Variants in PIWIL2 observed in about 807,000 individuals in gnomAD.
PIWIL2 encodes the protein piwi-like protein 2.
Under a neutral mutation model 116.5 loss-of-function variants are expected in PIWIL2, and 81 were observed. The observed-to-expected ratio is 0.70, with a 90% CI of 0.58 to 0.84. PIWIL2 has a LOEUF of 0.84. Ranked by LOEUF, PIWIL2 falls within the 40% of genes least tolerant of loss-of-function variation. The probability of loss-of-function intolerance (pLI) is 0.00; values close to 1 mark genes in which losing one functional copy is unlikely to be tolerated. For synonymous variants in PIWIL2, 489 were observed against 429.5 expected (o/e 1.14, Z -1.71); for missense variants, 1,272 against 1,212.3 (o/e 1.05, Z -0.73).
intron 20 of PIWIL2, among the ~76,000 whole-genome samples, chr8:22,337,967 G>T (rs190583295): frequency 2.0e-5 from 3 of 152,142 alleles, no homozygotes; most frequent in East Asian, 3.9e-4. Flanking sequence ...GGTGGTGCAT[G>T]CCTGTAATCC....
At chr8:22,297,869 A>G (rs569624999) in intron 10 of PIWIL2, among the ~76,000 whole-genome samples, 17 of 152,314 alleles carry the variant, frequency 1.1e-4, no homozygotes, top group African/African-American at 3.8e-4. Flanking sequence ...GCTTCTAAAG[A>G]GCACTGTTTT....
At chr8:22,316,214 G>A in intron 18 of PIWIL2, 31 bp from the exon 19 acceptor site, 1 of 1,407,452 alleles carries the variant, frequency 7.1e-7, no homozygotes, top group African/African-American at 1.4e-5. Context: ...CAGGTCTGGG[G>A]TTTGGTTTTT....
chr8:22,316,119 C>A (rs1318911379), intron 18 of PIWIL2, 126 bp from the exon 19 acceptor site: 3 of 581,320 alleles, frequency 5.2e-6, no homozygotes, highest in Admixed American at 6.0e-5. Flanking sequence ...TTTTTTCTTT[C>A]CCAGAACTTA....
chr8:22,329,003 T>C (rs990251762), intron 20 of PIWIL2, among the ~76,000 whole-genome samples: 2 of 152,078 alleles, frequency 1.3e-5, no homozygotes, highest in African/African-American at 4.8e-5. Context: ...ATTATGGTAT[T>C]GAATAGCAGT....
chr8:22,313,878 A>C (rs1831391434), intron 16 of PIWIL2, among the ~76,000 whole-genome samples: 1 of 152,154 alleles, frequency 6.6e-6, no homozygotes, highest in Non-Finnish European at 1.5e-5. Context: ...TTTAGTTCTG[A>C]ATGCTTTCTT....
chr8:22,290,349 G>T lies in PIWIL2; in HGVS notation c.1181+3G>T. ...AATGACTGTGTGCTGGATGTCATGT[G>T]AGTGAATGGTGGGGTCTATCTTTAA... is the stretch of plus-strand genomic sequence containing the variant. On this transcript the variant is annotated splice_donor_region_variant and intron_variant, in intron 10 of 22. Coordinates refer to ENST00000356766, the MANE Select transcript of PIWIL2 (RefSeq NM_018068.5). 1 of 1,544,846 alleles carries T rather than the reference G, an allele frequency of 6.5e-7. No homozygotes were observed. Among genetic ancestry groups the T allele is most frequent in the South Asian group, 1.1e-5 (1 of 89,104 alleles).
At chr8:22,301,560 C>G (rs540960449) in intron 10 of PIWIL2, among the ~76,000 whole-genome samples, 205 of 152,292 alleles carry the variant, frequency 1.3e-3, no homozygotes, top group Middle Eastern at 3.4e-3. Context: ...TCCCAAAGTG[C>G]TGGGATTACA....
chr8:22,340,152 A>C (rs1303257623), intron 20 of PIWIL2, among the ~76,000 whole-genome samples: 2 of 146,530 alleles, frequency 1.4e-5, no homozygotes, highest in African/African-American at 2.5e-5. Flanking sequence ...TCCCGGGATC[A>C]AGTGATTCTC....
intron 13 of PIWIL2, 137 bp from the exon 14 acceptor site, chr8:22,307,796 A>G (rs1306266720): frequency 1.8e-5 from 11 of 626,028 alleles, no homozygotes; most frequent in Non-Finnish European, 3.1e-5. Context: ...AGATATATTT[A>G]ATAAGTCCTT....
intron 20 of PIWIL2, among the ~76,000 whole-genome samples, chr8:22,325,395 C>T (rs976530167): frequency 1.1e-4 from 16 of 151,744 alleles, no homozygotes; most frequent in Non-Finnish European, 2.1e-4. Flanking sequence ...TCTATCAAAC[C>T]ATTACTGTGA....
At position 22,354,271 on chromosome 8, in the gene PIWIL2, G is replaced by A. The variant is rs1195686463; in HGVS notation, c.2658G>A (p.Trp886Ter). 3 of 1,602,124 alleles carry A rather than the reference G, an allele frequency of 1.9e-6. No homozygotes were observed. The highest frequency in any genetic ancestry group is 2.7e-5 in the African/African-American group (2 of 74,792). ...ACTGATTTATGGTTTTCCTTCCTAG[G>A]GTGGATTTCTATCTTCTTGCCCATC... ...VVDHTITSCE[W>*]VDFYLLAHHV... The change falls in exon 22 of 23, where the codon TGG becomes TGA. Residue 886 changes from tryptophan (W) to a stop codon, truncating the protein, a stop_gained and splice_region_variant. Transcript: ENST00000356766. LOFTEE classifies it high-confidence loss of function.
At chr8:22,355,269 C>G (rs1479313399) in intron 22 of PIWIL2, 80 bp from the exon 23 acceptor site, 2 of 1,384,790 alleles carry the variant, frequency 1.4e-6, no homozygotes, top group Non-Finnish European at 1.0e-6. Flanking sequence ...TGTCATATCC[C>G]CGTGACTATT....
chr8:22,296,547 A>T (rs1241984509), intron 10 of PIWIL2, among the ~76,000 whole-genome samples: 2 of 152,234 alleles, frequency 1.3e-5, no homozygotes, highest in East Asian at 3.8e-4. Context: ...GATTGGGTGT[A>T]TAACTCTAGG....
chr8:22,306,511 G>A (rs931631733), intron 13 of PIWIL2, among the ~76,000 whole-genome samples: 1 of 152,152 alleles, frequency 6.6e-6, no homozygotes, highest in Admixed American at 6.5e-5. Context: ...CTCAGCTCCT[G>A]TGGGCAGGGC....
At chr8:22,281,546 C>A in intron 4 of PIWIL2, 31 bp downstream of exon 4, 1 of 1,518,048 alleles carries the variant, frequency 6.6e-7, no homozygotes, top group Admixed American at 2.4e-5. Flanking sequence ...AGGTAACTAT[C>A]AAATTCAGAT....
chr8:22,283,163 A>G lies in PIWIL2; in HGVS notation c.555A>G (p.Ser185=), dbSNP rs1830551293. 6.2e-7 allele frequency: 1 copy of G among 1,613,988 alleles called. No individual in the cohort carries two copies. Among genetic ancestry groups the G allele is most frequent in the Admixed American group, 1.7e-5 (1 of 59,984 alleles). Residue 185 remains serine, a synonymous_variant, in exon 5 of 23, where the codon TCA becomes TCG. Transcript: ENST00000356766. ...CGTCCCGGGGTCCCCCGCAGCTGTC[A>G]TCACCACCAGCTCTGCCCCAGTCTC... The part of the protein sequence containing the change: ...STPSRGPPQL[S]SPPALPQSPL...
rs147066022 is a variant in PIWIL2, at chr8:22,338,970, A to G, written c.2404-13989A>G. Among the ~76,000 whole-genome samples, 42 of 152,348 alleles carry G rather than the reference A, an allele frequency of 2.8e-4. 1 individual carries two copies. Among genetic ancestry groups the G allele is most frequent in the African/African-American group, 7.9e-4 (33 of 41,590 alleles). The stretch of plus-strand genomic sequence containing the variant: ...AGATAAACAAGACAGTGTGGTCAGT[A>G]GCATTGAGATAGACTCAAATCAGTG... On this transcript the variant is annotated intron_variant, in intron 20 of 22. Transcript: ENST00000356766.
chr8:22,346,955 C>T (rs746515994), intron 20 of PIWIL2, among the ~76,000 whole-genome samples: 5 of 151,870 alleles, frequency 3.3e-5, no homozygotes, highest in Non-Finnish European at 7.4e-5. Flanking sequence ...AGGAGGAGCA[C>T]TTGAGCCCAG....
At chr8:22,348,099 G>A (rs1832270819) in intron 20 of PIWIL2, among the ~76,000 whole-genome samples, 1 of 151,886 alleles carries the variant, frequency 6.6e-6, no homozygotes, top group Non-Finnish European at 1.5e-5. Context: ...TCAGGAGTTC[G>A]AGACAAGCCT....
Sources: allele counts gnomAD v4.1 joint callset (sites outside exome capture counted in the v4.1 genomes callset), GRCh38; gene constraint gnomAD v4.1.1; transcripts MANE v1.5; gene names NCBI Gene and HGNC (gene_info 2026-07-23, HGNC 2026-07-21).